Variants in FMN1 observed in about 807,000 individuals in gnomAD.
The protein encoded by FMN1 is formin-1.
In FMN1, 110 loss-of-function variants were observed where a neutral mutation model predicts 132.4. That is an observed-to-expected ratio of 0.83 (90% CI 0.71 to 0.97). The LOEUF (loss-of-function observed/expected upper bound fraction) is 0.97, where lower values mean the gene tolerates loss of function less well. Among genes scored for constraint, FMN1 ranks in the 50% least tolerant of loss-of-function variants. FMN1 has a pLI of 0.00. For synonymous variants in FMN1, 722 were observed against 651.7 expected (o/e 1.11, Z -1.64); for missense variants, 1,792 against 1,705.3 (o/e 1.05, Z -0.90).
chr15:32,935,885 C>T (rs1266682203), intron 9 of FMN1, among the ~76,000 whole-genome samples: 1 of 152,086 alleles, frequency 6.6e-6, no homozygotes, highest in African/African-American at 2.4e-5. Context: ...CTCAGCCTCC[C>T]AAAGTGCTGG....
intron 17 of FMN1, chr15:32,837,454 T>C (rs1261181435): frequency 2.0e-5 from 3 of 152,592 alleles, no homozygotes; most frequent in Non-Finnish European, 4.4e-5. Context: ...ATTATATGCT[T>C]GATCCATCAG....
At chr15:32,992,418 T>A (rs1478925473) in intron 7 of FMN1, among the ~76,000 whole-genome samples, 18 of 152,196 alleles carry the variant, frequency 1.2e-4, no homozygotes, top group Admixed American at 1.2e-3. Flanking sequence ...AGTATAAGTA[T>A]GAAGTAGAAA....
At chr15:32,792,142 C>T (rs1029110349) in intron 19 of FMN1, among the ~76,000 whole-genome samples, 11 of 151,880 alleles carry the variant, frequency 7.2e-5, no homozygotes, top group African/African-American at 2.4e-4. Context: ...AGCAACGAGG[C>T]ATTTCGAGAT....
At chr15:32,817,483 C>T (rs758707873) in intron 17 of FMN1, among the ~76,000 whole-genome samples, 2 of 152,130 alleles carry the variant, frequency 1.3e-5, no homozygotes, top group Non-Finnish European at 2.9e-5. Flanking sequence ...AGAATTAACA[C>T]GATGACTTCA....
intron 6 of FMN1, among the ~76,000 whole-genome samples, chr15:33,043,848 C>T (rs2036555077): frequency 6.6e-6 from 1 of 152,036 alleles, no homozygotes; most frequent in Non-Finnish European, 1.5e-5. Context: ...CAGGCATCCC[C>T]ATGCTCTTGA....
intron 6 of FMN1, among the ~76,000 whole-genome samples, chr15:33,048,639 A>ACAAAAAAC (rs2036810104): frequency 2.4e-5 from 3 of 126,932 alleles, no homozygotes; most frequent in Admixed American, 8.2e-5. Context: ...ACCAAAAAAA[A>ACAAAAAAC]AAAAAAAAAA....
At chr15:33,194,113 C>T (rs892963306) in intron 1 of FMN1, 53 bp from the exon 2 acceptor site, 2 of 145,940 alleles carry the variant, frequency 1.4e-5, no homozygotes, top group African/African-American at 5.2e-5. Flanking sequence ...CATTGCCAAC[C>T]ATAGTCATGA....
intron 4 of FMN1, among the ~76,000 whole-genome samples, chr15:33,130,310 A>G (rs1243030307): frequency 6.6e-6 from 1 of 152,214 alleles, no homozygotes; most frequent in East Asian, 1.9e-4. Flanking sequence ...ATTGCCCTAC[A>G]TGTATATACA....
chr15:33,127,175 A>T (rs1021784153), intron 4 of FMN1, among the ~76,000 whole-genome samples: 29 of 148,642 alleles, frequency 2.0e-4, no homozygotes, highest in African/African-American at 6.4e-4. Flanking sequence ...AACAGAGAGG[A>T]GGTCAGGCCA....
chr15:33,192,308 G>A (rs190620237), intron 2 of FMN1, among the ~76,000 whole-genome samples: 1 of 152,254 alleles, frequency 6.6e-6, no homozygotes, highest in Non-Finnish European at 1.5e-5. Flanking sequence ...CTCTTCCTCT[G>A]GGAACAGCTC....
intron 6 of FMN1, among the ~76,000 whole-genome samples, chr15:33,039,693 A>G (rs1441751049): frequency 2.0e-5 from 3 of 152,238 alleles, no homozygotes; most frequent in Non-Finnish European, 2.9e-5. Context: ...AGGCTTAGCA[A>G]GAAAAGAGGT....
intron 17 of FMN1, among the ~76,000 whole-genome samples, chr15:32,848,469 A>C (rs149460616): frequency 0.012 from 1,819 of 152,330 alleles, 32 homozygotes; most frequent in African/African-American, 0.041. Context: ...ATGTTGAAGA[A>C]GGCAGCCATA....
intron 16 of FMN1, among the ~76,000 whole-genome samples, chr15:32,868,862 C>A (rs918976188): frequency 6.6e-6 from 1 of 152,122 alleles, no homozygotes; most frequent in Non-Finnish European, 1.5e-5. Context: ...ATGAGACCTA[C>A]TGGTCATTTC....
chr15:33,088,015 C>A (rs1317747646), intron 5 of FMN1, among the ~76,000 whole-genome samples: 1 of 151,918 alleles, frequency 6.6e-6, no homozygotes, highest in Non-Finnish European at 1.5e-5. Flanking sequence ...GCTATGAGGA[C>A]GCAAAGGCAT....
At chr15:33,174,014 A>G (rs1965425850) in intron 3 of FMN1, among the ~76,000 whole-genome samples, 1 of 152,122 alleles carries the variant, frequency 6.6e-6, no homozygotes, top group African/African-American at 2.4e-5. Context: ...TCCTATGTAA[A>G]CAGGAAAGAA....
chr15:32,766,104 A>G lies in FMN1; in HGVS notation c.*8206T>C, dbSNP rs909646855. ...CCCAACTGTCTTCATTACTGCCTAC[A>G]ATCTTTTCAGATTATATCTACAGAC... is the stretch of plus-strand genomic sequence containing the variant. On this transcript the variant is annotated 3_prime_UTR_variant, in exon 21 of 21. Transcript: ENST00000616417. The G allele has an allele frequency of 1.3e-5, 2 of 152,214 alleles. No homozygotes were observed. Among genetic ancestry groups the G allele is most frequent in the African/African-American group, 4.8e-5 (2 of 41,458 alleles). 9.4% of individuals were successfully genotyped at this position (152,214 alleles called of 1,614,324 possible).
rs775314332 is a variant in FMN1 at position 32,898,906 on chromosome 15, G to C, written c.3655-13C>G. The C allele has an allele frequency of 6.5e-7, 1 of 1,550,248 alleles. No individual in the cohort carries two copies. The highest frequency in any genetic ancestry group is 1.4e-5 in the African/African-American group (1 of 73,614). On this transcript the variant is annotated splice_polypyrimidine_tract_variant and intron_variant, in intron 14 of 20. Coordinates refer to ENST00000616417, the MANE Select transcript of FMN1 (RefSeq NM_001277313.2). ...TAATCCCATTATCCTAGGTTTAAAA[G>C]AGAAATGTACATGAAAATCATTCCC... is the stretch of plus-strand genomic sequence containing the variant.
chr15:32,768,879 A>C lies in FMN1; in HGVS notation c.*5431T>G, dbSNP rs1244363789. The stretch of plus-strand genomic sequence containing the variant: ...TTCATATAAAAATGGAATAAAAGTC[A>C]ATCTTCCCCACATCAAGAACTTCAG... On this transcript the variant is annotated 3_prime_UTR_variant, in exon 21 of 21. Transcript: ENST00000616417. 1 of 152,224 alleles carries C rather than the reference A, an allele frequency of 6.6e-6. No individual in the cohort carries two copies. The highest frequency in any genetic ancestry group is 2.1e-4 in the South Asian group (1 of 4,832). The allele number at this position is 152,224 out of a possible 1,614,324, so 9.4% of individuals were successfully genotyped here.
chr15:33,018,145 G>A (rs1293892574), intron 6 of FMN1, among the ~76,000 whole-genome samples: 1 of 152,174 alleles, frequency 6.6e-6, no homozygotes, highest in Non-Finnish European at 1.5e-5. Context: ...GCCTTTGGGA[G>A]GTGATCAGGT....
Sources: allele counts gnomAD v4.1 joint callset (sites outside exome capture counted in the v4.1 genomes callset), GRCh38; gene constraint gnomAD v4.1.1; transcripts MANE v1.5; gene names NCBI Gene and HGNC (gene_info 2026-07-23, HGNC 2026-07-21).